USP14: variants seen among roughly 807,000 people sequenced by gnomAD.
USP14 encodes the protein ubiquitin specific peptidase 14.
USP14 carries 38 observed loss-of-function variants against 76.5 expected under a neutral mutation model. The ratio of observed to expected loss-of-function variants is 0.50; its 90% confidence interval spans 0.38 to 0.65. The LOEUF (loss-of-function observed/expected upper bound fraction) is 0.65, where lower values mean the gene tolerates loss of function less well. USP14 is among the 30% of genes least tolerant of loss of function. USP14 has a pLI of 0.00. For missense variants in USP14, 467 were observed against 586.5 expected, an observed-to-expected ratio of 0.80 and a Z score of 2.10; for synonymous variants, 192 against 191.7, an observed-to-expected ratio of 1.00 and a Z score of -0.01.
At chr18:165,619 G>A (rs1415083447) in intron 2 of USP14, among the ~76,000 whole-genome samples, 1 of 152,116 alleles carries the variant, frequency 6.6e-6, no homozygotes, top group Non-Finnish European at 1.5e-5. Context: ...TCTTATATAT[G>A]AGGAAATTTT....
intron 3 of USP14, among the ~76,000 whole-genome samples, chr18:169,501 T>G (rs1909382463): frequency 6.6e-6 from 1 of 152,142 alleles, no homozygotes; most frequent in Non-Finnish European, 1.5e-5. Context: ...TTTCTTTTTT[T>G]CTGTTGGTAG....
At position 166,225 on chromosome 18, in the gene USP14, A is replaced by C. The variant is rs550476697; in HGVS notation, c.163-562A>C. Among the ~76,000 whole-genome samples, 8 of 152,278 alleles carry C rather than the reference A, an allele frequency of 5.3e-5. No individual in the cohort carries two copies. The East Asian group carries it at 1.5e-3, about 29-fold the overall frequency. Reference sequence around the variant, plus strand: ...ATTTTTTTATACTTATGTGTTTTTTAGTATTTGATGCTGTAAATACAGGTT... The same window carrying C: ...ATTTTTTTATACTTATGTGTTTTTTCGTATTTGATGCTGTAAATACAGGTT... On this transcript the variant is annotated intron_variant, in intron 2 of 15. Coordinates refer to ENST00000261601, the MANE Select transcript of USP14 (RefSeq NM_005151.4).
In USP14 at chr18:214,455, C is replaced by A; in HGVS notation, c.*3171C>A. The A allele has an allele frequency of 1.7e-6, 1 of 590,928 alleles. No individual in the cohort carries two copies. The highest frequency in any genetic ancestry group is 2.9e-6 in the Non-Finnish European group (1 of 344,034). The allele number at this position is 590,928 out of a possible 1,614,324, so 36.6% of individuals were successfully genotyped here. On this transcript the variant is annotated 3_prime_UTR_variant, in exon 16 of 16. Transcript: ENST00000261601. ...AGGTCATTATCTCAACCCAACCTCC[C>A]CAAACTCTGGTTTGAGCCAATATGT...
At position 213,975 on chromosome 18, in the gene USP14, T is replaced by TTAGATCGATAGATAGATAGATTAGATAGA; in HGVS notation, c.*2696_*2697insCGATAGATAGATAGATTAGATAGATAGAT. 1 of 150,218 alleles carries TTAGATCGATAGATAGATAGATTAGATAGA rather than the reference T, an allele frequency of 6.7e-6. No individual in the cohort carries two copies. Among genetic ancestry groups the TTAGATCGATAGATAGATAGATTAGATAGA allele is most frequent in the East Asian group, 2.0e-4 (1 of 5,048 alleles). 9.3% of individuals were successfully genotyped at this position (150,218 alleles called of 1,614,324 possible). ...TTCTGTAATGGACAAGATAGATAGA[T>TTAGATCGATAGATAGATAGATTAGATAGA]TAGATAGATAGATAGATAGATAGAT... On this transcript the variant is annotated 3_prime_UTR_variant, in exon 16 of 16. Transcript: ENST00000261601.
chr18:161,055 G>A (rs1481191742), intron 1 of USP14, among the ~76,000 whole-genome samples: 1 of 152,164 alleles, frequency 6.6e-6, no homozygotes, highest in Non-Finnish European at 1.5e-5. Flanking sequence ...AGTCTCGCGA[G>A]TAGCTGGAAT....
chr18:196,577 C>A, intron 6 of USP14, 60 bp from the exon 7 acceptor site: 2 of 1,498,732 alleles, frequency 1.3e-6, no homozygotes, highest in Non-Finnish European at 1.8e-6. Flanking sequence ...AATTAATTTA[C>A]AGTCGCGTGT....
chr18:193,443 A>G (rs1417000358), intron 6 of USP14, among the ~76,000 whole-genome samples: 2 of 152,106 alleles, frequency 1.3e-5, no homozygotes, highest in Non-Finnish European at 2.9e-5. Context: ...AGCTTTATTG[A>G]TATAGTGTAC....
At chr18:171,944 A>G (rs557697291) in intron 3 of USP14, among the ~76,000 whole-genome samples, 1 of 152,288 alleles carries the variant, frequency 6.6e-6, no homozygotes, top group East Asian at 1.9e-4. Context: ...ATAGGAAGAA[A>G]CTAGAATTAG....
chr18:183,410 C>G (rs142895352), intron 5 of USP14, among the ~76,000 whole-genome samples: 16 of 151,326 alleles, frequency 1.1e-4, no homozygotes, highest in Non-Finnish European at 1.6e-4. Context: ...CACTTTTAGT[C>G]TGAGGACTCT....
At position 214,100 on chromosome 18, in the gene USP14, C is replaced by T. The variant is rs1478304548; in HGVS notation, c.*2816C>T. 6.7e-6 allele frequency: 1 copy of T among 148,286 alleles called. No homozygotes were observed. The highest frequency in any genetic ancestry group is 2.4e-5 in the African/African-American group (1 of 40,838). 9.2% of individuals were successfully genotyped at this position (148,286 alleles called of 1,614,324 possible). A position where few individuals can be genotyped will look rare whatever the true frequency, so the allele number is the denominator to read the frequency against. The stretch of plus-strand genomic sequence containing the variant: ...GCTGTTGTTATAGTGTAGCTGGAGC[C>T]ATAGACAGTTAGTTAGTTAGTTATG... On this transcript the variant is annotated 3_prime_UTR_variant, in exon 16 of 16. Transcript: ENST00000261601.
At position 213,267 on chromosome 18, in the gene USP14, C is replaced by T. The variant is rs931118173; in HGVS notation, c.*1983C>T. On this transcript the variant is annotated 3_prime_UTR_variant, in exon 16 of 16. Transcript: ENST00000261601. ...CTACTAAATGTTGTAGCTACTAGAC[C>T]AGGTGAGCTAGGTTTAGAGCAAAGT... 2.0e-5 allele frequency: 3 copies of T among 152,024 alleles called. No homozygotes were observed. Among genetic ancestry groups the T allele is most frequent in the African/African-American group, 4.8e-5 (2 of 41,384 alleles). 9.4% of individuals were successfully genotyped at this position (152,024 alleles called of 1,614,324 possible).
At chr18:159,192 T>C (rs1007072557) in intron 1 of USP14, among the ~76,000 whole-genome samples, 4 of 152,182 alleles carry the variant, frequency 2.6e-5, no homozygotes, top group African/African-American at 9.6e-5. Flanking sequence ...CTCTTGCCCC[T>C]TGCCTTTGTT....
chr18:197,216 C>T (rs1910261262), intron 7 of USP14, among the ~76,000 whole-genome samples: 1 of 152,240 alleles, frequency 6.6e-6, no homozygotes. Flanking sequence ...GACCAGCTCC[C>T]TCACCTCCTT....
chr18:171,028 ATATATATATATATAT>A lies in USP14; in HGVS notation c.195+4210_195+4224del, dbSNP rs1909443545. 7.2e-5 allele frequency among the ~76,000 whole-genome samples: 4 copies of A among 55,750 alleles called. No homozygotes were observed. In the Admixed American group the frequency reaches 7.3e-4, roughly 10 times the overall value. The allele number at this position is 55,750 out of a possible 152,430, so 36.6% of individuals were successfully genotyped here. On this transcript the variant is annotated intron_variant, in intron 3 of 15. Transcript: ENST00000261601. ...GGAACTTAAAAAAAAAAAAAAAAAT[ATATATATATATATAT>A]ATATATATATATAAACTGAAGCTAG... is the stretch of plus-strand genomic sequence containing the variant.
intron 1 of USP14, among the ~76,000 whole-genome samples, chr18:162,565 C>G (rs1263027709): frequency 6.6e-6 from 1 of 152,080 alleles, no homozygotes; most frequent in Non-Finnish European, 1.5e-5. Flanking sequence ...TTTATTCTCC[C>G]AGGAATTTTT....
In USP14 at chr18:204,475, T is replaced by C. The variant is rs1910471314; in HGVS notation, c.1036-89T>C. On this transcript the variant is annotated intron_variant, in intron 12 of 15. Transcript: ENST00000261601. ...GATTTTATTTTCAACTGTATCTGAATTATGAAAGCATTACTTCAGATATGT... is the reference window on the plus strand; with the variant it reads ...GATTTTATTTTCAACTGTATCTGAACTATGAAAGCATTACTTCAGATATGT... The C allele has an allele frequency of 3.5e-6, 4 of 1,133,988 alleles. No homozygotes were observed. In the East Asian group the frequency reaches 1.2e-4, roughly 34 times the overall value. 70.2% of individuals were successfully genotyped at this position (1,133,988 alleles called of 1,614,324 possible).
chr18:176,792 G>T (rs1365709700), intron 3 of USP14, among the ~76,000 whole-genome samples: 1 of 151,694 alleles, frequency 6.6e-6, no homozygotes. Flanking sequence ...TTAATTAATT[G>T]TTGTTGTGGT....
At chr18:166,973 CT>C (rs1217988097) in intron 3 of USP14, among the ~76,000 whole-genome samples, 154 bp downstream of exon 3, 1 of 151,768 alleles carries the variant, frequency 6.6e-6, no homozygotes, top group African/African-American at 2.4e-5. Flanking sequence ...GTGTTGGGCT[CT>C]TTCTTGAAAA....
At chr18:163,232 A>C in intron 1 of USP14, 76 bp from the exon 2 acceptor site, 1 of 1,367,858 alleles carries the variant, frequency 7.3e-7, no homozygotes. Flanking sequence ...ATAACTGCCT[A>C]ATTGGTGATC....
Sources: allele counts gnomAD v4.1 joint callset (sites outside exome capture counted in the v4.1 genomes callset), GRCh38; gene constraint gnomAD v4.1.1; transcripts MANE v1.5; gene names NCBI Gene and HGNC (gene_info 2026-07-23, HGNC 2026-07-21).